The following NRG3 variants were observed in gnomAD, a reference collection of about 807,000 sequenced individuals.
The protein encoded by NRG3 is pro-neuregulin-3, membrane-bound isoform.
A neutral mutation model predicts 66.9 loss-of-function variants in NRG3; 31 were observed. The ratio of observed to expected loss-of-function variants is 0.46; its 90% CI spans 0.35 to 0.63. The LOEUF is 0.63. Among genes scored for constraint, NRG3 ranks in the 20% least tolerant of loss-of-function variants. The pLI is 0.00. For missense variants in NRG3, 910 were observed against 878.9 expected (o/e 1.04, Z -0.45); for synonymous variants, 393 against 359.4 (o/e 1.09, Z -1.06).
chr10:82,712,300 A>T (rs544971417), intron 2 of NRG3, among the ~76,000 whole-genome samples: 4 of 152,326 alleles, frequency 2.6e-5, no homozygotes, highest in African/African-American at 9.6e-5. Context: ...ATCTTTCATT[A>T]TTCTGCTGGC....
chr10:82,690,352 C>T (rs2054832381), intron 2 of NRG3, among the ~76,000 whole-genome samples: 1 of 151,658 alleles, frequency 6.6e-6, no homozygotes, highest in African/African-American at 2.4e-5. Flanking sequence ...AATTTGCGTG[C>T]AATCTCTCTT....
At chr10:81,935,299 T>C (rs1317179781) in intron 1 of NRG3, among the ~76,000 whole-genome samples, 1 of 152,236 alleles carries the variant, frequency 6.6e-6, no homozygotes, top group Non-Finnish European at 1.5e-5. Flanking sequence ...TATGTCATTT[T>C]GGGGAAAAAA....
rs137931411 is a variant in NRG3 at position 82,942,138 on chromosome 10, A to C, written c.1055-9331A>C. 2.4e-3 allele frequency among the ~76,000 whole-genome samples: 371 copies of C among 152,238 alleles called. 3 individuals carry two copies. The highest frequency in any genetic ancestry group is 8.4e-3 in the African/African-American group (349 of 41,548). The stretch of plus-strand genomic sequence containing the variant: ...TACAAAGGAAATGTTCTCAAGAAGC[A>C]CTAGAATCCTAGGTCCCTATACCTG... On this transcript the variant is annotated intron_variant, in intron 4 of 8. Coordinates refer to ENST00000372141, the MANE Select transcript of NRG3 (RefSeq NM_001010848.4).
At chr10:81,999,696 A>G (rs1040304423) in intron 1 of NRG3, among the ~76,000 whole-genome samples, 3 of 152,224 alleles carry the variant, frequency 2.0e-5, no homozygotes, top group Non-Finnish European at 4.4e-5. Flanking sequence ...AACAACTAGC[A>G]GATGAGAATA....
In NRG3 at chr10:82,728,343, C is replaced by A. The variant is rs139060982; in HGVS notation, c.954-10234C>A. Among the ~76,000 whole-genome samples, 803 of 152,184 alleles carry A rather than the reference C, an allele frequency of 5.3e-3. 9 individuals carry two copies. Among genetic ancestry groups the A allele is most frequent in the African/African-American group, 0.019 (771 of 41,546 alleles). ...AATTCCCACATGTCATGGGAGGGAG[C>A]CAATGGGAGGTAATTGAATCGTGGG... On this transcript the variant is annotated intron_variant, in intron 2 of 8. Coordinates refer to ENST00000372141, the MANE Select transcript of NRG3 (RefSeq NM_001010848.4).
chr10:82,484,481 G>T (rs1842525271), intron 2 of NRG3, among the ~76,000 whole-genome samples: 1 of 152,168 alleles, frequency 6.6e-6, no homozygotes, highest in Admixed American at 6.5e-5. Context: ...CAGTTTTGTT[G>T]TCATTACTGT....
chr10:82,217,826 A>G (rs2913106), intron 1 of NRG3, among the ~76,000 whole-genome samples: 16,869 of 152,188 alleles, frequency 0.11, 1,051 homozygotes, highest in Middle Eastern at 0.18. Context: ...TCCTTTGAAG[A>G]ATGAAGTGTT....
At chr10:82,092,348 G>A (rs2066074735) in intron 1 of NRG3, among the ~76,000 whole-genome samples, 1 of 151,942 alleles carries the variant, frequency 6.6e-6, no homozygotes, top group Admixed American at 6.6e-5. Flanking sequence ...GTCAATATAT[G>A]TTAAAAATCC....
chr10:82,755,389 G>T (rs553843205), intron 3 of NRG3, among the ~76,000 whole-genome samples: 30 of 152,178 alleles, frequency 2.0e-4, no homozygotes, highest in African/African-American at 7.0e-4. Context: ...TCTACCATTT[G>T]TTGGACACCT....
intron 4 of NRG3, among the ~76,000 whole-genome samples, chr10:82,929,233 A>G (rs1347537892): frequency 6.6e-6 from 1 of 152,144 alleles, no homozygotes; most frequent in East Asian, 1.9e-4. Context: ...GTAGGGGTGG[A>G]GGAATGGTAT....
At chr10:82,551,722 G>A (rs1477526441) in intron 2 of NRG3, among the ~76,000 whole-genome samples, 1 of 151,886 alleles carries the variant, frequency 6.6e-6, no homozygotes, top group East Asian at 1.9e-4. Context: ...AACTTTGCCA[G>A]CCAGCCCAGA....
At chr10:81,878,068 T>A in intron 1 of NRG3, 1 of 1,535,880 alleles carries the variant, frequency 6.5e-7, no homozygotes, top group African/African-American at 1.4e-5. Flanking sequence ...TGTGTACCAT[T>A]CCGGAGGTCT....
intron 2 of NRG3, among the ~76,000 whole-genome samples, chr10:82,533,423 A>T (rs1358713405): frequency 6.6e-6 from 1 of 151,110 alleles, no homozygotes; most frequent in African/African-American, 2.4e-5. Context: ...ACAGTTTCAG[A>T]CCTCAAATTT....
At chr10:82,770,721 T>C (rs896391710) in intron 3 of NRG3, among the ~76,000 whole-genome samples, 10 of 152,120 alleles carry the variant, frequency 6.6e-5, no homozygotes, top group African/African-American at 1.4e-4. Flanking sequence ...ATAGTAGATA[T>C]GATAGAAATG....
At chr10:82,339,876 G>T (rs575272434) in intron 1 of NRG3, among the ~76,000 whole-genome samples, 12 of 151,928 alleles carry the variant, frequency 7.9e-5, no homozygotes, top group African/African-American at 2.4e-4. Flanking sequence ...ATCTTCTGTC[G>T]TGCAGCTATC....
chr10:82,011,355 G>A (rs1017523082), intron 1 of NRG3, among the ~76,000 whole-genome samples: 3 of 152,044 alleles, frequency 2.0e-5, no homozygotes, highest in Admixed American at 2.0e-4. Context: ...TCTCCATCTG[G>A]CCCCACCCTT....
At chr10:82,051,532 T>C (rs2063592829) in intron 1 of NRG3, among the ~76,000 whole-genome samples, 1 of 152,186 alleles carries the variant, frequency 6.6e-6, no homozygotes, top group Non-Finnish European at 1.5e-5. Flanking sequence ...GTCCTAGAAC[T>C]GGCTGTGGAG....
chr10:82,858,942 CTTTT>C (rs534067829), intron 3 of NRG3, among the ~76,000 whole-genome samples: 27 of 124,226 alleles, frequency 2.2e-4, no homozygotes, highest in South Asian at 2.8e-4. Flanking sequence ...AGTAGTCTAA[CTTTT>C]TTTTTTTTTT....
intron 2 of NRG3, among the ~76,000 whole-genome samples, chr10:82,660,628 TA>T (rs2052282079): frequency 6.6e-6 from 1 of 152,210 alleles, no homozygotes; most frequent in Non-Finnish European, 1.5e-5. Flanking sequence ...AAACTTCAGA[TA>T]AAAATAAATT....
Sources: gnomAD v4.1 joint callset for allele counts (sites outside exome capture counted in the v4.1 genomes callset) on GRCh38, gnomAD v4.1.1 for gene constraint, MANE v1.5 for transcripts, NCBI Gene and HGNC (gene_info 2026-07-23, HGNC 2026-07-21) for gene names.